SERINC5: variants seen among roughly 807,000 people sequenced by gnomAD.
SERINC5 encodes chromosome 5 open reading frame 12.
SERINC5 carries 41 observed loss-of-function variants against 63.1 expected under a neutral mutation model. The observed-to-expected ratio is 0.65, with a 90% CI of 0.51 to 0.84. The LOEUF is 0.84. Ranked by LOEUF, SERINC5 falls within the 40% of genes least tolerant of loss-of-function variation. The probability of loss-of-function intolerance (pLI) is 0.00; values close to 1 mark genes in which losing one functional copy is unlikely to be tolerated. For synonymous variants in SERINC5, 222 were observed against 215.2 expected (o/e 1.03, Z -0.28); for missense variants, 523 against 573.0 (o/e 0.91, Z 0.89).
intron 1 of SERINC5, among the ~76,000 whole-genome samples, chr5:80,251,872 G>A (rs1038142977): frequency 6.4e-5 from 3 of 46,856 alleles, no homozygotes; most frequent in South Asian, 1.2e-3. Context: ...CATCTGCCTC[G>A]GGTGAACTTT....
intron 6 of SERINC5, chr5:80,167,257 C>CA (rs1243202343): frequency 2.0e-5 from 3 of 152,098 alleles, no homozygotes; most frequent in Admixed American, 2.0e-4. Flanking sequence ...TGATAGGCCC[C>CA]AGTGTGTGTT....
rs1745476251 is a variant in SERINC5 at position 80,141,056 on chromosome 5, C to T, written c.*2607G>A. On this transcript the variant is annotated 3_prime_UTR_variant, in exon 12 of 12. Coordinates refer to ENST00000507668, the MANE Select transcript of SERINC5 (RefSeq NM_001174072.3). ...CACAAAACTGTAGATTCTTTAAATC[C>T]AGGAATGTTGACTCCTCACCTGAGT... The T allele has an allele frequency of 4.1e-6, 4 of 985,212 alleles. No homozygotes were observed. Among genetic ancestry groups the T allele is most frequent in the African/African-American group, 1.7e-5 (1 of 57,206 alleles). 61.0% of individuals were successfully genotyped at this position (985,212 alleles called of 1,614,324 possible).
At chr5:80,150,804 A>G in intron 9 of SERINC5, 78 bp downstream of exon 9, 1 of 991,918 alleles carries the variant, frequency 1.0e-6, no homozygotes, top group Non-Finnish European at 1.6e-6. Flanking sequence ...CAGACTGATA[A>G]AGACACAAAC....
At chr5:80,197,173 A>AC (rs1410889365) in intron 2 of SERINC5, among the ~76,000 whole-genome samples, 7 of 151,986 alleles carry the variant, frequency 4.6e-5, no homozygotes, top group Admixed American at 4.6e-4. Flanking sequence ...ACATGGTGAA[A>AC]CCCTGTCTCT....
chr5:80,137,045 G>A (rs1745209608), downstream of SERINC5, among the ~76,000 whole-genome samples: 1 of 149,006 alleles, frequency 6.7e-6, no homozygotes, highest in Non-Finnish European at 1.5e-5. Context: ...GCTGAGGTGG[G>A]AGAATCACCT....
intron 7 of SERINC5, among the ~76,000 whole-genome samples, chr5:80,163,082 C>T (rs1420148210): frequency 7.3e-5 from 11 of 151,382 alleles, no homozygotes; most frequent in Admixed American, 5.9e-4. Context: ...CTCAAGCTCC[C>T]GACCTCAAAT....
At chr5:80,154,155 G>A (rs1746367232) in intron 8 of SERINC5, among the ~76,000 whole-genome samples, 2 of 152,076 alleles carry the variant, frequency 1.3e-5, no homozygotes, top group South Asian at 4.1e-4. Context: ...CCTGGGGCAT[G>A]GGGTGGAAGA....
intron 10 of SERINC5, 69 bp downstream of exon 10, chr5:80,147,176 A>G: frequency 7.2e-7 from 1 of 1,395,578 alleles, no homozygotes; most frequent in Non-Finnish European, 9.9e-7. Flanking sequence ...TGAATCCCAA[A>G]TGACTACAGA....
chr5:80,218,945 C>A (rs1750786257), intron 1 of SERINC5, among the ~76,000 whole-genome samples: 1 of 152,160 alleles, frequency 6.6e-6, no homozygotes, highest in African/African-American at 2.4e-5. Context: ...GGGCTCTGAA[C>A]AAGGAAAAAC....
chr5:80,233,984 G>C (rs1279473498), intron 1 of SERINC5, among the ~76,000 whole-genome samples: 1 of 151,442 alleles, frequency 6.6e-6, no homozygotes, highest in Non-Finnish European at 1.5e-5. Flanking sequence ...GCTAATTTTT[G>C]TATTTTTAGT....
At chr5:80,218,331 G>A (rs956731178) in intron 1 of SERINC5, among the ~76,000 whole-genome samples, 1 of 152,116 alleles carries the variant, frequency 6.6e-6, no homozygotes, top group Non-Finnish European at 1.5e-5. Context: ...ACCTGAGGTC[G>A]GAAGTTCTAG....
At chr5:80,222,561 A>AGTGAGTGTGTGTGT (rs1554070044) in intron 1 of SERINC5, among the ~76,000 whole-genome samples, 2 of 146,216 alleles carry the variant, frequency 1.4e-5, no homozygotes, top group African/African-American at 5.1e-5. Flanking sequence ...TGAGTGTGTG[A>AGTGAGTGTGTGTGT]GTGTGTGAGT....
chr5:80,181,835 G>A (rs1169430446), intron 2 of SERINC5, among the ~76,000 whole-genome samples: 1 of 152,174 alleles, frequency 6.6e-6, no homozygotes, highest in Non-Finnish European at 1.5e-5. Flanking sequence ...CCTGGCATCT[G>A]CCCCGAAGGC....
At chr5:80,136,707 G>A (rs1176412892), downstream of SERINC5, among the ~76,000 whole-genome samples, 1 of 152,160 alleles carries the variant, frequency 6.6e-6, no homozygotes, top group African/African-American at 2.4e-5. Context: ...CATCTGATAA[G>A]GGGTTAATAT....
intron 5 of SERINC5, among the ~76,000 whole-genome samples, chr5:80,169,986 A>C (rs1747545048): frequency 1.3e-5 from 2 of 152,132 alleles, no homozygotes; most frequent in Non-Finnish European, 2.9e-5. Flanking sequence ...GTATTTACCC[A>C]TTTCTTTAAA....
At chr5:80,234,916 C>T (rs918921846) in intron 1 of SERINC5, among the ~76,000 whole-genome samples, 42 of 151,616 alleles carry the variant, frequency 2.8e-4, no homozygotes, top group Non-Finnish European at 1.3e-4. Flanking sequence ...TTAACTTACT[C>T]TTTTTTTTTA....
At position 80,139,998 on chromosome 5, in the gene SERINC5, A is replaced by G; in HGVS notation, c.*3665T>C. The G allele has an allele frequency of 1.0e-6, 1 of 985,398 alleles. No individual in the cohort carries two copies. Among genetic ancestry groups the G allele is most frequent in the Non-Finnish European group, 1.2e-6 (1 of 829,934 alleles). The allele number at this position is 985,398 out of a possible 1,614,324, so 61.0% of individuals were successfully genotyped here. A position where few individuals can be genotyped will look rare whatever the true frequency, so the allele number is the denominator to read the frequency against. ...TTCCTTCGCAGGAAGGTGAAGCACC[A>G]ATGATGGCAAAAATTAAATAAATAC... On this transcript the variant is annotated 3_prime_UTR_variant, in exon 12 of 12. Coordinates refer to ENST00000507668, the MANE Select transcript of SERINC5 (RefSeq NM_001174072.3).
intron 11 of SERINC5, among the ~76,000 whole-genome samples, chr5:80,118,714 AT>A (rs34814066): frequency 0.14 from 14,943 of 107,850 alleles, 642 homozygotes; most frequent in South Asian, 0.22. Flanking sequence ...TGTCCAGCTA[AT>A]TTTTTTTTTT....
intron 1 of SERINC5, among the ~76,000 whole-genome samples, chr5:80,234,215 GAAT>G (rs1430796792): frequency 2.0e-5 from 3 of 152,130 alleles, no homozygotes; most frequent in African/African-American, 7.2e-5. Flanking sequence ...GCAGCCCTTT[GAAT>G]AATACTTCCT....
Sources: allele counts gnomAD v4.1 joint callset (sites outside exome capture counted in the v4.1 genomes callset), GRCh38; gene constraint gnomAD v4.1.1; transcripts MANE v1.5; gene names NCBI Gene and HGNC (gene_info 2026-07-23, HGNC 2026-07-21).